ZNF367: variants seen among roughly 807,000 people sequenced by gnomAD.
ZNF367 encodes the protein C2H2 zinc finger protein ZFF29.
In ZNF367, 11 loss-of-function variants were observed where a neutral mutation model predicts 31.8. That is an observed-to-expected ratio of 0.35 (90% CI 0.22 to 0.57). The LOEUF is 0.57. ZNF367 is among the 20% of genes least tolerant of loss of function. The probability of loss-of-function intolerance (pLI) is 0.85; values close to 1 mark genes in which losing one functional copy is unlikely to be tolerated. For missense variants in ZNF367, 353 were observed against 484.1 expected (o/e 0.73, Z 2.54); for synonymous variants, 199 against 202.4 (o/e 0.98, Z 0.14).
chr9:96,395,114 A>C (rs1831515677), intron 2 of ZNF367, among the ~76,000 whole-genome samples, 172 bp from the exon 3 acceptor site: 2 of 152,128 alleles, frequency 1.3e-5, no homozygotes, highest in South Asian at 4.1e-4. Context: ...GGGTGGCATC[A>C]ATGACTATCT....
intron 1 of ZNF367, among the ~76,000 whole-genome samples, chr9:96,406,797 G>A (rs1440467732): frequency 4.0e-5 from 6 of 150,542 alleles, no homozygotes. Flanking sequence ...TCAACAGATT[G>A]AGACCATCCT....
intron 1 of ZNF367, among the ~76,000 whole-genome samples, chr9:96,406,322 A>C (rs1423324993): frequency 1.3e-5 from 2 of 152,266 alleles, no homozygotes; most frequent in Non-Finnish European, 2.9e-5. Context: ...CTTGAAGGAT[A>C]GTAATAAGCT....
chr9:96,390,191 C>T (rs910085943), intron 4 of ZNF367, among the ~76,000 whole-genome samples: 12 of 151,602 alleles, frequency 7.9e-5, no homozygotes, highest in African/African-American at 1.9e-4. Flanking sequence ...CGTGAGCCAC[C>T]GCACCCAGCC....
intron 2 of ZNF367, among the ~76,000 whole-genome samples, chr9:96,397,926 C>T (rs1831552683): frequency 2.6e-5 from 4 of 151,606 alleles, no homozygotes; most frequent in Admixed American, 2.0e-4. Context: ...CCCATCTCTA[C>T]TAAAAATACA....
At chr9:96,396,450 A>T (rs1021671582) in intron 2 of ZNF367, among the ~76,000 whole-genome samples, 6 of 151,954 alleles carry the variant, frequency 3.9e-5, no homozygotes, top group African/African-American at 7.3e-5. Flanking sequence ...GATTTAACTT[A>T]AAAAAAACCT....
chr9:96,416,428 G>T (rs1254903085), intron 1 of ZNF367, among the ~76,000 whole-genome samples: 1 of 152,158 alleles, frequency 6.6e-6, no homozygotes, highest in African/African-American at 2.4e-5. Flanking sequence ...GCAGTTTCAA[G>T]AGCTGAAGTG....
intron 4 of ZNF367, among the ~76,000 whole-genome samples, chr9:96,390,017 A>T (rs1831452016): frequency 6.8e-6 from 1 of 148,060 alleles, no homozygotes; most frequent in African/African-American, 2.5e-5. Context: ...ACCTCAGGTG[A>T]TCTGCCTGCC....
intron 1 of ZNF367, among the ~76,000 whole-genome samples, chr9:96,411,180 AAAAC>A (rs375400913): frequency 4.6e-5 from 7 of 151,382 alleles, no homozygotes; most frequent in Admixed American, 3.3e-4. Context: ...ACCTTGTCTC[AAAAC>A]AAACAAACAA....
chr9:96,404,019 T>C (rs577106201), intron 1 of ZNF367, among the ~76,000 whole-genome samples: 33 of 140,660 alleles, frequency 2.3e-4, no homozygotes, highest in Non-Finnish European at 5.2e-4. Flanking sequence ...CCTGGTGAAA[T>C]CTCATTTCTA....
chr9:96,415,148 G>A (rs567967935), intron 1 of ZNF367, among the ~76,000 whole-genome samples: 45 of 150,488 alleles, frequency 3.0e-4, no homozygotes, highest in African/African-American at 1.1e-3. Flanking sequence ...TCCGCCTCCC[G>A]GGTTCACGCC....
intron 2 of ZNF367, among the ~76,000 whole-genome samples, chr9:96,395,311 C>T (rs781216199): frequency 3.3e-5 from 5 of 152,150 alleles, no homozygotes; most frequent in Non-Finnish European, 5.9e-5. Flanking sequence ...ATGAACCCTC[C>T]GACAGCCTCC....
At chr9:96,389,037 G>A (rs145234984) in intron 4 of ZNF367, among the ~76,000 whole-genome samples, 141 of 152,278 alleles carry the variant, frequency 9.3e-4, no homozygotes, top group Middle Eastern at 3.4e-3. Context: ...AGTGGCTCAC[G>A]CCTGTAATCC....
chr9:96,392,688 C>G lies in ZNF367; in HGVS notation c.692-152G>C, dbSNP rs73541061. The G allele has an allele frequency of 5.4e-4, 642 of 1,182,706 alleles. 3 individuals carry two copies. The African/African-American group carries it at 8.7e-3, about 16-fold the overall frequency. 73.3% of individuals were successfully genotyped at this position (1,182,706 alleles called of 1,614,324 possible). ...GGAGGAGAAAACAATCAAACCAGCA[C>G]AGTCTCATCAGTGCTAGAGCGGGGA... On this transcript the variant is annotated intron_variant, in intron 3 of 4. Coordinates refer to ENST00000375256, the MANE Select transcript of ZNF367 (RefSeq NM_153695.4).
chr9:96,398,422 G>T, intron 1 of ZNF367, 108 bp from the exon 2 acceptor site: 2 of 980,900 alleles, frequency 2.0e-6, no homozygotes, highest in Non-Finnish European at 1.5e-6. Flanking sequence ...TGGGCGCAGC[G>T]GCACACACTT....
intron 1 of ZNF367, among the ~76,000 whole-genome samples, chr9:96,399,149 G>A (rs989845630): frequency 2.0e-5 from 3 of 152,082 alleles, no homozygotes; most frequent in Non-Finnish European, 4.4e-5. Flanking sequence ...TATATGCCCA[G>A]GGCAGGAAGC....
At chr9:96,397,141 G>C (rs919010266) in intron 2 of ZNF367, among the ~76,000 whole-genome samples, 9 of 152,052 alleles carry the variant, frequency 5.9e-5, no homozygotes, top group African/African-American at 2.2e-4. Context: ...AGGAGTCACA[G>C]TGGCTACTGT....
At chr9:96,413,334 T>C (rs1436336327) in intron 1 of ZNF367, among the ~76,000 whole-genome samples, 1 of 152,210 alleles carries the variant, frequency 6.6e-6, no homozygotes, top group Non-Finnish European at 1.5e-5. Context: ...TATGTTAACA[T>C]GATGTTAGGT....
intron 1 of ZNF367, among the ~76,000 whole-genome samples, chr9:96,405,984 G>C (rs1831667001): frequency 6.6e-6 from 1 of 152,182 alleles, no homozygotes; most frequent in African/African-American, 2.4e-5. Context: ...ATGGGATTCA[G>C]TTAATACTAG....
rs1831415651 is a variant in ZNF367 at position 96,387,118 on chromosome 9, T to G, written c.*1119A>C. The G allele has an allele frequency of 6.6e-6, 1 of 152,208 alleles. No individual in the cohort carries two copies. Among genetic ancestry groups the G allele is most frequent in the Admixed American group, 6.5e-5 (1 of 15,284 alleles). The allele number at this position is 152,208 out of a possible 1,614,324, so 9.4% of individuals were successfully genotyped here. Reference sequence around the variant, plus strand: ...AAACCACCACACAAGTTAACACACTTGCAGTTAAAACTATTTCAGAAGCCT... The same window carrying G: ...AAACCACCACACAAGTTAACACACTGGCAGTTAAAACTATTTCAGAAGCCT... On this transcript the variant is annotated 3_prime_UTR_variant, in exon 5 of 5. Transcript: ENST00000375256.
Sources: allele counts gnomAD v4.1 joint callset (sites outside exome capture counted in the v4.1 genomes callset), GRCh38; gene constraint gnomAD v4.1.1; transcripts MANE v1.5; gene names NCBI Gene and HGNC (gene_info 2026-07-23, HGNC 2026-07-21).